Variants in PTPRN2 observed in about 807,000 individuals in gnomAD.
PTPRN2 encodes the protein protein tyrosine phosphatase receptor type N2, also known as receptor-type tyrosine-protein phosphatase N2.
PTPRN2 carries 74 observed loss-of-function variants against 118.8 expected under a neutral mutation model. The ratio of observed to expected loss-of-function variants is 0.62; its 90% CI spans 0.52 to 0.76. PTPRN2 has a LOEUF of 0.76. PTPRN2 is among the 30% of genes least tolerant of loss of function. The pLI, the probability that PTPRN2 is intolerant of heterozygous loss-of-function variation, is 0.00. For synonymous variants in PTPRN2, 641 were observed against 608.0 expected, an observed-to-expected ratio of 1.05 and a Z score of -0.80; for missense variants, 1,481 against 1,394.4, an observed-to-expected ratio of 1.06 and a Z score of -0.99.
At chr7:158,482,177 T>C (rs1820693057) in intron 2 of PTPRN2, among the ~76,000 whole-genome samples, 1 of 152,234 alleles carries the variant, frequency 6.6e-6, no homozygotes, top group African/African-American at 2.4e-5. Context: ...GTGAAGATGC[T>C]GTGAGCATTG....
intron 12 of PTPRN2, among the ~76,000 whole-genome samples, chr7:157,883,610 C>CA: frequency 6.7e-6 from 1 of 149,970 alleles, no homozygotes; most frequent in Middle Eastern, 3.6e-3. Flanking sequence ...CACACCACCC[C>CA]AAAATGACTG....
At chr7:158,492,689 G>A (rs1821544977) in intron 1 of PTPRN2, among the ~76,000 whole-genome samples, 1 of 152,248 alleles carries the variant, frequency 6.6e-6, no homozygotes, top group South Asian at 2.1e-4. Flanking sequence ...ATGCTAATTT[G>A]ACTGCTAAGT....
At position 157,779,735 on chromosome 7, in the gene PTPRN2, G is replaced by C. The variant is rs543949899; in HGVS notation, c.1789-96798C>G. 3.3e-5 allele frequency among the ~76,000 whole-genome samples: 5 copies of C among 152,198 alleles called. No homozygotes were observed. Among genetic ancestry groups the C allele is most frequent in the Admixed American group, 2.6e-4 (4 of 15,276 alleles). On this transcript the variant is annotated intron_variant, in intron 12 of 22. Transcript: ENST00000389418. The surrounding 1 kb of genome is among the most constrained non-coding windows in gnomAD (Gnocchi z 4.7). ...GAGGGGTCCTGAGGGTCTGGGGAAG[G>C]CGCTGTGGCCTGAATGCTCACCCTA...
chr7:158,326,525 A>G (rs1803536793), intron 2 of PTPRN2, among the ~76,000 whole-genome samples: 1 of 152,364 alleles, frequency 6.6e-6, no homozygotes, highest in South Asian at 2.1e-4. Flanking sequence ...ATGCAGACAC[A>G]TGCACATATG....
chr7:157,756,407 G>GC (rs1370914245), intron 12 of PTPRN2, among the ~76,000 whole-genome samples: 16 of 151,708 alleles, frequency 1.1e-4, no homozygotes, highest in South Asian at 2.1e-4. Context: ...TGATTCTCCT[G>GC]CCTCAGCCTC....
At chr7:158,098,567 C>T (rs1814870262) in intron 10 of PTPRN2, among the ~76,000 whole-genome samples, 1 of 152,200 alleles carries the variant, frequency 6.6e-6, no homozygotes, top group Non-Finnish European at 1.5e-5. Flanking sequence ...AGGGAGCAGG[C>T]ACGGGCGAGG....
At position 157,953,360 on chromosome 7, in the gene PTPRN2, G is replaced by T. The variant is rs1448287517; in HGVS notation, c.1724-54623C>A. ...GGAGCAGGGGCTGGCAGCACTCCCC[G>T]AGCACAGTGGGAACTCAGGAGCAGG... On this transcript the variant is annotated intron_variant, in intron 11 of 22. Coordinates refer to ENST00000389418, the MANE Select transcript of PTPRN2 (RefSeq NM_002847.5). The surrounding 1 kb of genome is among the most constrained non-coding windows in gnomAD (Gnocchi z 4.6). Among the ~76,000 whole-genome samples, 1 of 152,046 alleles carries T rather than the reference G, an allele frequency of 6.6e-6. No individual in the cohort carries two copies. Among genetic ancestry groups the T allele is most frequent in the Non-Finnish European group, 1.5e-5 (1 of 67,978 alleles).
chr7:157,787,765 G>A lies in PTPRN2; in HGVS notation c.1789-104828C>T, dbSNP rs113678772. Among the ~76,000 whole-genome samples the A allele has an allele frequency of 3.0e-4, 46 of 152,114 alleles. No individual in the cohort carries two copies. Among genetic ancestry groups the A allele is most frequent in the Admixed American group, 2.2e-3 (33 of 15,296 alleles). On this transcript the variant is annotated intron_variant, in intron 12 of 22. Transcript: ENST00000389418. The surrounding 1 kb of genome is among the most constrained non-coding windows in gnomAD (Gnocchi z 5.3). ...GTGAGCCCAGCCCCATCTTTCCCTC[G>A]GACTTCATTTGTGCTCATGGCTGGG...
intron 14 of PTPRN2, among the ~76,000 whole-genome samples, chr7:157,648,357 G>A (rs1261362246): frequency 1.0e-5 from 1 of 96,622 alleles, no homozygotes; most frequent in African/African-American, 3.7e-5. Context: ...TGAACTCGGT[G>A]GGTCAGACCC....
intron 12 of PTPRN2, among the ~76,000 whole-genome samples, chr7:157,897,050 G>A (rs182299393): frequency 1.2e-4 from 18 of 152,192 alleles, no homozygotes; most frequent in African/African-American, 3.4e-4. Context: ...TACAGCAGAG[G>A]GTCCCAGCCT....
chr7:158,462,656 T>G (rs909138918), intron 2 of PTPRN2, among the ~76,000 whole-genome samples: 4 of 152,206 alleles, frequency 2.6e-5, no homozygotes, highest in African/African-American at 9.7e-5. Flanking sequence ...CCTTCCACCC[T>G]GAGACGTGTC....
intron 14 of PTPRN2, among the ~76,000 whole-genome samples, chr7:157,643,913 A>G (rs1768710165): frequency 6.6e-6 from 1 of 152,226 alleles, no homozygotes; most frequent in African/African-American, 2.4e-5. Flanking sequence ...GGCCAGCCTC[A>G]TAGTGCTCGC....
intron 11 of PTPRN2, among the ~76,000 whole-genome samples, chr7:157,931,118 A>C (rs1453518451): frequency 6.6e-6 from 1 of 152,094 alleles, no homozygotes; most frequent in African/African-American, 2.4e-5. Flanking sequence ...CTGCAGCATG[A>C]GCTGCGGTGC....
intron 2 of PTPRN2, among the ~76,000 whole-genome samples, chr7:158,375,468 A>G (rs1810429586): frequency 6.6e-6 from 1 of 152,254 alleles, no homozygotes; most frequent in African/African-American, 2.4e-5. Context: ...GTGGTGGGAC[A>G]GCACAGCTGA....
chr7:158,342,276 T>A (rs1264165349), intron 2 of PTPRN2, among the ~76,000 whole-genome samples: 1 of 100,916 alleles, frequency 9.9e-6, no homozygotes, highest in Non-Finnish European at 1.9e-5. Context: ...ACACCCACAC[T>A]CTCACCATAG....
At chr7:158,124,067 C>A (rs1817412474) in intron 9 of PTPRN2, among the ~76,000 whole-genome samples, 1 of 152,236 alleles carries the variant, frequency 6.6e-6, no homozygotes, top group Non-Finnish European at 1.5e-5. Flanking sequence ...ACCAAGTTAC[C>A]ATGGGACCTG....
intron 16 of PTPRN2, among the ~76,000 whole-genome samples, chr7:157,601,708 C>T (rs956033690): frequency 6.6e-6 from 1 of 152,228 alleles, no homozygotes; most frequent in Non-Finnish European, 1.5e-5. Context: ...TTGGCTGTGG[C>T]CTGGAATAGC....
rs191430579 is a variant in PTPRN2, at chr7:157,982,475, G to A, written c.1724-83738C>T. Among the ~76,000 whole-genome samples, 29 of 134,256 alleles carry A rather than the reference G, an allele frequency of 2.2e-4. No individual in the cohort carries two copies. In the Admixed American group the frequency reaches 2.2e-3, roughly 10 times the overall value. The allele number at this position is 134,256 out of a possible 152,430, so 88.1% of individuals were successfully genotyped here. A position where few individuals can be genotyped will look rare whatever the true frequency, so the allele number is the denominator to read the frequency against. ...GGGTCCCCCCAAACCCTGAGTCATAGAGATGAGGAGGGGAATGCAGAGTGC... is the reference window on the plus strand; with the variant it reads ...GGGTCCCCCCAAACCCTGAGTCATAAAGATGAGGAGGGGAATGCAGAGTGC... On this transcript the variant is annotated intron_variant, in intron 11 of 22. Transcript: ENST00000389418.
intron 2 of PTPRN2, among the ~76,000 whole-genome samples, chr7:158,458,584 C>T (rs1818715155): frequency 6.6e-6 from 1 of 152,210 alleles, no homozygotes; most frequent in Non-Finnish European, 1.5e-5. Context: ...GGAGCCCTGA[C>T]ACCAGCATCA....
Sources: allele counts gnomAD v4.1 joint callset (sites outside exome capture counted in the v4.1 genomes callset), GRCh38; gene constraint gnomAD v4.1.1; non-coding constraint Gnocchi (gnomAD v3.1); transcripts MANE v1.5; gene names NCBI Gene and HGNC (gene_info 2026-07-23, HGNC 2026-07-21).